Variants in EIF3H observed in about 807,000 individuals in gnomAD.
The protein encoded by EIF3H is eukaryotic translation initiation factor 3 subunit H, also known as eIF-3-gamma.
In EIF3H, 26 loss-of-function variants were observed where a neutral mutation model predicts 44.2. The ratio of observed to expected loss-of-function variants is 0.59; its 90% CI spans 0.43 to 0.82. The LOEUF (loss-of-function observed/expected upper bound fraction) is 0.82, where lower values mean the gene tolerates loss of function less well. EIF3H is among the 40% of genes least tolerant of loss of function. The pLI is 0.00. For missense variants in EIF3H, 359 were observed against 432.8 expected (o/e 0.83, Z 1.51); for synonymous variants, 166 against 151.9 (o/e 1.09, Z -0.68).
intron 7 of EIF3H, 152 bp from the exon 8 acceptor site, chr8:116,645,255 C>A: frequency 3.2e-6 from 2 of 631,704 alleles, no homozygotes; most frequent in Non-Finnish European, 2.8e-6. Context: ...ATAAGAAATA[C>A]AAGTTCTTTT....
chr8:116,690,934 T>C (rs965187919), intron 2 of EIF3H, among the ~76,000 whole-genome samples: 1 of 152,172 alleles, frequency 6.6e-6, no homozygotes, highest in Admixed American at 6.5e-5. Flanking sequence ...AAAATGAAAA[T>C]GTATCATGGC....
chr8:116,657,681 T>C (rs1323026138), intron 3 of EIF3H: 2 of 200,990 alleles, frequency 1.0e-5, no homozygotes, highest in Non-Finnish European at 2.0e-5. Flanking sequence ...AACATGAAAA[T>C]TCACTGCATG....
At chr8:116,759,617 T>A (rs1222185511), upstream of EIF3H, among the ~76,000 whole-genome samples, 1 of 151,828 alleles carries the variant, frequency 6.6e-6, no homozygotes, top group African/African-American at 2.4e-5. Flanking sequence ...CGATAGAGAG[T>A]GCTAACTTAC....
chr8:116,737,408 C>T (rs1586485805), intron 1 of EIF3H: 1 of 377,916 alleles, frequency 2.6e-6, no homozygotes, highest in Non-Finnish European at 5.0e-6. Flanking sequence ...GTAATCCCAG[C>T]ACTCTGGGAG....
intron 5 of EIF3H, 116 bp downstream of exon 5, chr8:116,655,740 G>C (rs1813478029): frequency 8.9e-7 from 1 of 1,119,278 alleles, no homozygotes; most frequent in Non-Finnish European, 1.3e-6. Flanking sequence ...CATGTTTTAA[G>C]AACCTATAAA....
At chr8:116,734,232 A>G (rs1276837644) in intron 1 of EIF3H, 2 of 452,330 alleles carry the variant, frequency 4.4e-6, no homozygotes. Flanking sequence ...GAAATTGCTA[A>G]GAAAAGGGGA....
chr8:116,749,628 T>A (rs567741487), intron 1 of EIF3H, among the ~76,000 whole-genome samples: 20 of 152,328 alleles, frequency 1.3e-4, no homozygotes, highest in African/African-American at 4.1e-4. Flanking sequence ...ACCCATTCTT[T>A]CTTTATTTTT....
At chr8:116,741,730 CTG>C (rs1815136726) in intron 1 of EIF3H, among the ~76,000 whole-genome samples, 1 of 152,210 alleles carries the variant, frequency 6.6e-6, no homozygotes, top group African/African-American at 2.4e-5. Flanking sequence ...CTCAAAGAAA[CTG>C]TAATGCTGTA....
At chr8:116,756,379 G>A (rs563359293), upstream of EIF3H, among the ~76,000 whole-genome samples, 8 of 152,304 alleles carry the variant, frequency 5.3e-5, no homozygotes, top group Non-Finnish European at 1.0e-4. Context: ...ATTTACCTGA[G>A]TAAAGTACCA....
At chr8:116,730,180 G>A (rs1220648254) in intron 1 of EIF3H, among the ~76,000 whole-genome samples, 1 of 152,166 alleles carries the variant, frequency 6.6e-6, no homozygotes, top group Non-Finnish European at 1.5e-5. Context: ...TTCATTTGGA[G>A]CAGGGGTTCC....
Position 116,655,119 on chromosome 8 carries a change from G to A in EIF3H, c.707+737C>T, listed in dbSNP as rs114332629. 5.3e-3 allele frequency among the ~76,000 whole-genome samples: 808 copies of A among 151,590 alleles called. 3 individuals carry two copies. Among genetic ancestry groups the A allele is most frequent in the African/African-American group, 0.019 (771 of 41,268 alleles). On this transcript the variant is annotated intron_variant, in intron 5 of 7. Transcript: ENST00000521861. The stretch of plus-strand genomic sequence containing the variant: ...CAGACAAAATAATCACTAACATAAC[G>A]CTCAAAGGGCATTTAAGAGGAGCTA...
intron 1 of EIF3H, among the ~76,000 whole-genome samples, chr8:116,753,642 GACTAA>G (rs1196136289): frequency 3.3e-5 from 5 of 152,162 alleles, no homozygotes; most frequent in African/African-American, 1.2e-4. Flanking sequence ...CCAGTCTCTT[GACTAA>G]GCACCCTTGT....
Position 116,650,976 on chromosome 8 carries a change from T to C in EIF3H, c.708-2050A>G, listed in dbSNP as rs557732477. Among the ~76,000 whole-genome samples the C allele has an allele frequency of 5.9e-5, 9 of 152,244 alleles. No individual in the cohort carries two copies. In the South Asian group the frequency reaches 6.2e-4, roughly 11 times the overall value. ...TCCAGAATAGGCAAATCTGTAGAGA[T>C]AGAAAGTGACTAGAGGCTGCCAGGG... On this transcript the variant is annotated intron_variant, in intron 5 of 7. Coordinates refer to ENST00000521861, the MANE Select transcript of EIF3H (RefSeq NM_003756.3).
intron 5 of EIF3H, among the ~76,000 whole-genome samples, chr8:116,650,771 C>G (rs760283414): frequency 6.6e-6 from 1 of 152,166 alleles, no homozygotes; most frequent in Non-Finnish European, 1.5e-5. Flanking sequence ...CTCAGCCTCT[C>G]GAGTAGCTGG....
intron 6 of EIF3H, among the ~76,000 whole-genome samples, chr8:116,646,920 CT>C (rs1813310777): frequency 6.6e-6 from 1 of 152,086 alleles, no homozygotes; most frequent in Non-Finnish European, 1.5e-5. Flanking sequence ...AAGGGAGTTC[CT>C]TTACCATTCA....
intron 2 of EIF3H, among the ~76,000 whole-genome samples, chr8:116,712,303 G>A (rs1315540003): frequency 6.6e-6 from 1 of 152,158 alleles, no homozygotes. Context: ...AAAAAGATGA[G>A]TACAATTCTG....
chr8:116,677,148 T>C (rs1013209751), intron 2 of EIF3H, among the ~76,000 whole-genome samples: 2 of 152,210 alleles, frequency 1.3e-5, no homozygotes, highest in Non-Finnish European at 2.9e-5. Context: ...TCTCTATATT[T>C]AGAAGGGGTG....
intron 2 of EIF3H, among the ~76,000 whole-genome samples, chr8:116,691,737 T>C (rs1272928409): frequency 6.6e-6 from 1 of 152,006 alleles, no homozygotes; most frequent in Non-Finnish European, 1.5e-5. Context: ...TAGCTGGGTG[T>C]AGTTGTGCAC....
chr8:116,722,141 A>G (rs1320710045), intron 2 of EIF3H, among the ~76,000 whole-genome samples: 1 of 152,188 alleles, frequency 6.6e-6, no homozygotes, highest in East Asian at 1.9e-4. Flanking sequence ...AGTGGAAGAT[A>G]ACTGAATCAC....
Sources: gnomAD v4.1 joint callset for allele counts (sites outside exome capture counted in the v4.1 genomes callset) on GRCh38, gnomAD v4.1.1 for gene constraint, MANE v1.5 for transcripts, NCBI Gene and HGNC (gene_info 2026-07-23, HGNC 2026-07-21) for gene names.